Variants in PEPD observed in about 807,000 individuals in gnomAD.
The protein encoded by PEPD is peptidase D.
In PEPD, 53 loss-of-function variants were observed where a neutral mutation model predicts 60.7. That is an observed-to-expected ratio of 0.87 (90% CI 0.70 to 1.10). The LOEUF (loss-of-function observed/expected upper bound fraction) is 1.10, where lower values mean the gene tolerates loss of function less well. Ranked by LOEUF, PEPD falls within the 50% of genes least tolerant of loss-of-function variation. The pLI, the probability that PEPD is intolerant of heterozygous loss-of-function variation, is 0.00. For missense variants in PEPD, 711 were observed against 711.9 expected (o/e 1.00, Z 0.01); for synonymous variants, 267 against 284.1 (o/e 0.94, Z 0.60).
At chr19:33,421,801 T>C (rs1969025564) in intron 9 of PEPD, among the ~76,000 whole-genome samples, 1 of 152,108 alleles carries the variant, frequency 6.6e-6, no homozygotes. Context: ...GGCCTATTTT[T>C]ATATTTAATG....
intron 11 of PEPD, among the ~76,000 whole-genome samples, chr19:33,409,083 T>G (rs1600091868): frequency 1.3e-5 from 2 of 152,218 alleles, no homozygotes; most frequent in African/African-American, 2.4e-5. Flanking sequence ...GAGATGCAGG[T>G]GCCATGTGCT....
chr19:33,430,303 C>G (rs1969240981), intron 9 of PEPD, among the ~76,000 whole-genome samples: 1 of 152,178 alleles, frequency 6.6e-6, no homozygotes, highest in Non-Finnish European at 1.5e-5. Context: ...GAGTTTACCC[C>G]AAGGACACGG....
At chr19:33,452,009 T>C (rs1033075867) in intron 9 of PEPD, among the ~76,000 whole-genome samples, 4 of 152,170 alleles carry the variant, frequency 2.6e-5, no homozygotes, top group Non-Finnish European at 4.4e-5. Context: ...ATAAACCTGA[T>C]TCATGTACAC....
rs151122974 is a variant in PEPD, at chr19:33,506,563, A to C, written c.329+4465T>G. Among the ~76,000 whole-genome samples the C allele has an allele frequency of 9.7e-3, 1,375 of 141,474 alleles. 9 individuals carry two copies. The highest frequency in any genetic ancestry group is 0.041 in the Middle Eastern group (10 of 244). The allele number at this position is 141,474 out of a possible 152,430, so 92.8% of individuals were successfully genotyped here. A position where few individuals can be genotyped will look rare whatever the true frequency, so the allele number is the denominator to read the frequency against. On this transcript the variant is annotated intron_variant, in intron 3 of 14. Transcript: ENST00000244137. ...ACACACACAGCACACACACACTTCC[A>C]TCACAACCTACACACCACACACACT...
rs142831691 is a variant in PEPD at position 33,419,377 on chromosome 19, G to A, written c.672-5734C>T. 3.3e-3 allele frequency among the ~76,000 whole-genome samples: 497 copies of A among 152,358 alleles called. 2 individuals carry two copies. The highest frequency in any genetic ancestry group is 0.011 in the African/African-American group (473 of 41,586). ...CAGTCTGAGGCTTGAGGCAGGTTGT[G>A]TAGCTGCTCCAGTAAGAAAAACTGA... On this transcript the variant is annotated intron_variant, in intron 9 of 14. Coordinates refer to ENST00000244137, the MANE Select transcript of PEPD (RefSeq NM_000285.4).
chr19:33,387,413 A>C lies in PEPD; in HGVS notation c.1413T>G (p.Thr471=). The C allele has an allele frequency of 6.2e-7, 1 of 1,614,074 alleles. No homozygotes were observed. Among genetic ancestry groups the C allele is most frequent in the South Asian group, 1.1e-5 (1 of 91,088 alleles). Residue 471 remains threonine, a synonymous_variant, in exon 15 of 15, where the codon ACT becomes ACG. Coordinates refer to ENST00000244137, the MANE Select transcript of PEPD (RefSeq NM_000285.4). The part of the protein sequence containing the change: ...GIELLTCVPR[T]VEEIEACMAG... ...CCATGCATGCTTCAATCTCTTCCAC[A>C]GTGCGGGGCACGCAGGTCAGCAGCT...
chr19:33,434,111 T>C (rs1424981320), intron 9 of PEPD, among the ~76,000 whole-genome samples: 1 of 152,204 alleles, frequency 6.6e-6, no homozygotes, highest in Non-Finnish European at 1.5e-5. Context: ...GGATGGTACG[T>C]GCCTTTCTGA....
chr19:33,495,606 T>C (rs1970588544), intron 4 of PEPD, among the ~76,000 whole-genome samples: 1 of 152,096 alleles, frequency 6.6e-6, no homozygotes, highest in South Asian at 2.1e-4. Flanking sequence ...CAGACATGTA[T>C]CAACAATCTC....
intron 3 of PEPD, among the ~76,000 whole-genome samples, chr19:33,506,418 CCTACACA>C (rs1331326225): frequency 7.0e-6 from 1 of 143,628 alleles, no homozygotes; most frequent in Admixed American, 7.0e-5. Flanking sequence ...CTCATCACAC[CCTACACA>C]CTACACACAC....
Position 33,387,979 on chromosome 19 carries a change from C to G in PEPD, c.1255G>C (p.Asp419His), listed in dbSNP as rs559002568. The change falls in exon 14 of 15, where the codon GAC becomes CAC. Residue 419 changes from aspartate (D) to histidine (H), a missense_variant. Coordinates refer to ENST00000244137, the MANE Select transcript of PEPD (RefSeq NM_000285.4). ...LTVEPGIYFI[D>H]HLLDEALADP... Reference sequence around the variant, plus strand: ...GCCAGGGCCTCATCCAGGAGGTGGTCGATGAAGTAGATGCCCGGCTCCACG... The same window carrying G: ...GCCAGGGCCTCATCCAGGAGGTGGTGGATGAAGTAGATGCCCGGCTCCACG... The G allele has an allele frequency of 3.0e-5, 48 of 1,593,050 alleles. No individual in the cohort carries two copies. Among genetic ancestry groups the G allele is most frequent in the Non-Finnish European group, 4.0e-5 (47 of 1,170,496 alleles).
chr19:33,453,072 G>C (rs1443901899), intron 9 of PEPD, among the ~76,000 whole-genome samples: 1 of 151,762 alleles, frequency 6.6e-6, no homozygotes, highest in Non-Finnish European at 1.5e-5. Context: ...CTATAATCCC[G>C]GCACTTCGGG....
chr19:33,409,734 C>T (rs1968720274), intron 11 of PEPD, among the ~76,000 whole-genome samples: 1 of 152,204 alleles, frequency 6.6e-6, no homozygotes, highest in East Asian at 1.9e-4. Flanking sequence ...GGTGTGGGGG[C>T]AGGGCTGCCA....
intron 7 of PEPD, 24 bp downstream of exon 7, chr19:33,478,022 A>G (rs1970250665): frequency 6.3e-7 from 1 of 1,575,054 alleles, no homozygotes; most frequent in East Asian, 2.2e-5. Context: ...ACAAACAGGC[A>G]AGGTGACCAC....
intron 9 of PEPD, among the ~76,000 whole-genome samples, chr19:33,434,315 G>A (rs1969333893): frequency 6.6e-6 from 1 of 152,140 alleles, no homozygotes; most frequent in Non-Finnish European, 1.5e-5. Flanking sequence ...GTGCACATGG[G>A]GCAGGCAAAG....
In PEPD at chr19:33,511,837, T is replaced by C. The variant is rs556200283; in HGVS notation, c.202-682A>G. Among the ~76,000 whole-genome samples the C allele has an allele frequency of 8.7e-4, 132 of 152,278 alleles. 1 individual carries two copies. The highest frequency in any genetic ancestry group is 3.0e-3 in the African/African-American group (124 of 41,556). On this transcript the variant is annotated intron_variant, in intron 2 of 14. Transcript: ENST00000244137. ...TCTCACAGCCATGGGATTGCAGGCT[T>C]GCAGCTGCGCGAACAATGGAGTGGA...
intron 9 of PEPD, among the ~76,000 whole-genome samples, chr19:33,443,728 C>T (rs1019191605): frequency 3.6e-4 from 55 of 152,122 alleles, no homozygotes; most frequent in African/African-American, 1.2e-3. Flanking sequence ...GAGGAGTGAT[C>T]TGACAGGCAG....
chr19:33,512,449 CCT>C lies in PEPD; in HGVS notation c.201+142_201+143del, dbSNP rs1482482052. 3.8e-6 allele frequency: 3 copies of C among 784,562 alleles called. No homozygotes were observed. In the African/African-American group the frequency reaches 5.1e-5, roughly 13 times the overall value. The allele number at this position is 784,562 out of a possible 1,614,324, so 48.6% of individuals were successfully genotyped here. A position where few individuals can be genotyped will look rare whatever the true frequency, so the allele number is the denominator to read the frequency against. On this transcript the variant is annotated intron_variant, in intron 2 of 14. Transcript: ENST00000244137. ...TCAAGTTCTACATCTTCAAGGAGCCCCTGGACCACTTCCCAGGCGAGGAAACA... is the reference window on the plus strand; with the variant it reads ...TCAAGTTCTACATCTTCAAGGAGCCCGGACCACTTCCCAGGCGAGGAAACA...
At chr19:33,491,813 T>C (rs1327475466) in intron 5 of PEPD, among the ~76,000 whole-genome samples, 1 of 152,208 alleles carries the variant, frequency 6.6e-6, no homozygotes, top group South Asian at 2.1e-4. Flanking sequence ...TATGACCTTA[T>C]GTTTGCTTGG....
At chr19:33,457,747 T>C (rs1969831370) in intron 9 of PEPD, among the ~76,000 whole-genome samples, 1 of 152,246 alleles carries the variant, frequency 6.6e-6, no homozygotes, top group Non-Finnish European at 1.5e-5. Flanking sequence ...CCTGACTTTG[T>C]GATCTGCCTG....
Sources: allele counts gnomAD v4.1 joint callset (sites outside exome capture counted in the v4.1 genomes callset), GRCh38; gene constraint gnomAD v4.1.1; transcripts MANE v1.5; gene names NCBI Gene and HGNC (gene_info 2026-07-23, HGNC 2026-07-21).